The following RBM33 variants were observed in gnomAD, a reference collection of about 807,000 sequenced individuals.
RBM33 encodes RNA-binding protein 33.
RBM33 carries 28 observed loss-of-function variants against 132.6 expected under a neutral mutation model. That is an observed-to-expected ratio of 0.21 (90% CI 0.16 to 0.29). The LOEUF is 0.29. Ranked by LOEUF, RBM33 falls within the 10% of genes least tolerant of loss-of-function variation. RBM33 has a pLI of 1.00. For synonymous variants in RBM33, 634 were observed against 593.0 expected, an observed-to-expected ratio of 1.07 and a Z score of -1.01; for missense variants, 1,291 against 1,518.5, an observed-to-expected ratio of 0.85 and a Z score of 2.49.
intron 14 of RBM33, among the ~76,000 whole-genome samples, chr7:155,762,842 C>T (rs780529841): frequency 2.1e-4 from 32 of 152,186 alleles, no homozygotes; most frequent in Non-Finnish European, 3.7e-4. Flanking sequence ...GAGTGGGCCT[C>T]GTGCTAATAA....
At chr7:155,723,675 A>T (rs1800690299) in intron 9 of RBM33, among the ~76,000 whole-genome samples, 1 of 152,184 alleles carries the variant, frequency 6.6e-6, no homozygotes, top group Admixed American at 6.5e-5. Flanking sequence ...CATGCGTTGC[A>T]TGTGTTGGAT....
rs1801349663 is a variant in RBM33 at position 155,741,906 on chromosome 7, A to G, written c.2137A>G (p.Ile713Val). The change falls in exon 13 of 18, where the codon ATA (isoleucine) becomes GTA (valine). Residue 713 changes from isoleucine to valine, a missense_variant. Coordinates refer to ENST00000401878, the MANE Select transcript of RBM33 (RefSeq NM_053043.3). ...PRNSNLRELPIAPSHVIEMSS... is the reference protein window; with the variant it reads ...PRNSNLRELPVAPSHVIEMSS... The stretch of plus-strand genomic sequence containing the variant: ...GAACAGCAATTTGCGTGAATTACCC[A>G]TAGCGCCGTCACACGTGATAGAAAT... 6.2e-7 allele frequency: 1 copy of G among 1,613,890 alleles called. No homozygotes were observed. The highest frequency in any genetic ancestry group is 1.1e-5 in the South Asian group (1 of 91,090).
chr7:155,730,900 C>T (rs1224296594), intron 9 of RBM33, among the ~76,000 whole-genome samples: 4 of 152,156 alleles, frequency 2.6e-5, no homozygotes, highest in African/African-American at 9.7e-5. Context: ...GGGAAATCTT[C>T]CAGGGAATCT....
rs547982955 is a variant in RBM33, at chr7:155,780,033, T to C, written c.*4992T>C. On this transcript the variant is annotated 3_prime_UTR_variant, in exon 18 of 18. Transcript: ENST00000401878. ...AGAGTGGATAGGCAGACAGGTACTA[T>C]TGTAATGTATTCTGTATTTAATAAT... 9.8e-5 allele frequency: 15 copies of C among 152,352 alleles called. No individual in the cohort carries two copies. Among genetic ancestry groups the C allele is most frequent in the African/African-American group, 3.1e-4 (13 of 41,584 alleles). 9.4% of individuals were successfully genotyped at this position (152,352 alleles called of 1,614,324 possible).
At chr7:155,670,020 A>G (rs1339631672) in intron 2 of RBM33, among the ~76,000 whole-genome samples, 1 of 152,204 alleles carries the variant, frequency 6.6e-6, no homozygotes, top group African/African-American at 2.4e-5. Context: ...CCCAGAGACT[A>G]CAGCCCCACT....
At chr7:155,655,024 TAATC>T (rs1232793953) in intron 1 of RBM33, among the ~76,000 whole-genome samples, 2 of 152,224 alleles carry the variant, frequency 1.3e-5, no homozygotes, top group East Asian at 3.8e-4. Flanking sequence ...TTGGTATAGA[TAATC>T]AAGCTATTAC....
chr7:155,692,787 G>A (rs1330732613), intron 5 of RBM33, among the ~76,000 whole-genome samples: 3 of 152,210 alleles, frequency 2.0e-5, no homozygotes, highest in African/African-American at 7.2e-5. Context: ...TAAAGCTCCT[G>A]TCCTTGGACT....
At chr7:155,768,251 G>A (rs563926333) in intron 16 of RBM33, among the ~76,000 whole-genome samples, 2 of 152,338 alleles carry the variant, frequency 1.3e-5, no homozygotes, top group East Asian at 3.9e-4. Flanking sequence ...GCTTCTCACA[G>A]CATTGAGTGA....
Position 155,671,113 on chromosome 7 carries a change from G to A in RBM33, c.123-1754G>A, listed in dbSNP as rs575076577. 2.0e-5 allele frequency among the ~76,000 whole-genome samples: 3 copies of A among 152,246 alleles called. No individual in the cohort carries two copies. In the South Asian group the frequency reaches 6.2e-4, roughly 32 times the overall value. ...TAAAAGAGGTGCTTGTGTGTTTTTG[G>A]TTATCTGGAATCAAATTTTCAAATG... On this transcript the variant is annotated intron_variant, in intron 2 of 17. Coordinates refer to ENST00000401878, the MANE Select transcript of RBM33 (RefSeq NM_053043.3).
At position 155,781,427 on chromosome 7, in the gene RBM33, G is replaced by A. The variant is rs983314486; in HGVS notation, c.*6386G>A. 1 of 152,212 alleles carries A rather than the reference G, an allele frequency of 6.6e-6. No individual in the cohort carries two copies. Among genetic ancestry groups the A allele is most frequent in the Non-Finnish European group, 1.5e-5 (1 of 68,056 alleles). The allele number at this position is 152,212 out of a possible 1,614,324, so 9.4% of individuals were successfully genotyped here. On this transcript the variant is annotated 3_prime_UTR_variant, in exon 18 of 18. Transcript: ENST00000401878. Reference sequence around the variant, plus strand: ...GATTTCGTACCAAAAAAATGTGTTTGAACTATATTGTATGTAATTTGGAAG... The same window carrying A: ...GATTTCGTACCAAAAAAATGTGTTTAAACTATATTGTATGTAATTTGGAAG...
intron 9 of RBM33, among the ~76,000 whole-genome samples, chr7:155,724,967 G>A (rs1373785812): frequency 6.8e-6 from 1 of 147,672 alleles, no homozygotes; most frequent in African/African-American, 2.5e-5. Flanking sequence ...GATTAGAGTT[G>A]CTGTAAACAT....
chr7:155,655,559 T>TTTTTTTTTG (rs1554465878), intron 1 of RBM33, among the ~76,000 whole-genome samples: 1 of 148,660 alleles, frequency 6.7e-6, no homozygotes, highest in Admixed American at 6.8e-5. Flanking sequence ...TTTTTTTTTT[T>TTTTTTTTTG]ACTGTGCTGA....
rs1397720053 is a variant in RBM33 at position 155,753,064 on chromosome 7, ACT to A, written c.2979+7467_2979+7468del. Among the ~76,000 whole-genome samples, 9 of 152,266 alleles carry A rather than the reference ACT, an allele frequency of 5.9e-5. No homozygotes were observed. In the East Asian group the frequency reaches 1.7e-3, roughly 29 times the overall value. On this transcript the variant is annotated intron_variant, in intron 14 of 17. Coordinates refer to ENST00000401878, the MANE Select transcript of RBM33 (RefSeq NM_053043.3). ...TGTTAAAAATGGCAACATGGCTTGC[ACT>A]CTCTTACTGAAGCATAGCAAAGGAG... is the stretch of plus-strand genomic sequence containing the variant.
intron 1 of RBM33, among the ~76,000 whole-genome samples, chr7:155,651,270 T>C (rs1798345873): frequency 6.6e-6 from 1 of 152,122 alleles, no homozygotes. Flanking sequence ...ACTTGATTGG[T>C]GGTTTTGTTG....
intron 8 of RBM33, among the ~76,000 whole-genome samples, chr7:155,712,898 G>A (rs1800348047): frequency 6.6e-6 from 1 of 152,232 alleles, no homozygotes; most frequent in African/African-American, 2.4e-5. Flanking sequence ...CCTTGTGTAT[G>A]TTTTAGAAGA....
At chr7:155,697,548 C>T (rs1799828945) in intron 5 of RBM33, among the ~76,000 whole-genome samples, 1 of 151,904 alleles carries the variant, frequency 6.6e-6, no homozygotes, top group Non-Finnish European at 1.5e-5. Context: ...AATGTTTTCT[C>T]TTTTGCACTC....
chr7:155,750,858 C>T (rs1472003454), intron 14 of RBM33, among the ~76,000 whole-genome samples: 2 of 151,210 alleles, frequency 1.3e-5, no homozygotes, highest in Non-Finnish European at 1.5e-5. Flanking sequence ...ATTAAGTAAA[C>T]AGTCCTTTAT....
intron 1 of RBM33, among the ~76,000 whole-genome samples, chr7:155,648,729 T>G (rs1798270077): frequency 6.6e-6 from 1 of 152,138 alleles, no homozygotes; most frequent in Admixed American, 6.5e-5. Context: ...CAGCCATGAG[T>G]ACTTTTAGCA....
chr7:155,743,008 A>G (rs1286955220), intron 13 of RBM33, among the ~76,000 whole-genome samples: 1 of 152,208 alleles, frequency 6.6e-6, no homozygotes, highest in African/African-American at 2.4e-5. Context: ...ATGCTTTCTT[A>G]GTTTCATAAA....
Sources: gnomAD v4.1 joint callset for allele counts (sites outside exome capture counted in the v4.1 genomes callset) on GRCh38, gnomAD v4.1.1 for gene constraint, MANE v1.5 for transcripts, NCBI Gene and HGNC (gene_info 2026-07-23, HGNC 2026-07-21) for gene names.